The following MAP3K9 variants were observed in gnomAD, a reference collection of about 807,000 sequenced individuals.
The protein encoded by MAP3K9 is mitogen-activated protein kinase kinase kinase 9.
Under a neutral mutation model 95.8 loss-of-function variants are expected in MAP3K9, and 46 were observed. The ratio of observed to expected loss-of-function variants is 0.48; its 90% CI spans 0.38 to 0.61. The LOEUF is 0.61. Among genes scored for constraint, MAP3K9 ranks in the 20% least tolerant of loss-of-function variants. MAP3K9 has a pLI of 0.00. For synonymous variants in MAP3K9, 533 were observed against 593.8 expected (o/e 0.90, Z 1.49); for missense variants, 1,296 against 1,474.3 (o/e 0.88, Z 1.98).
intron 2 of MAP3K9, among the ~76,000 whole-genome samples, chr14:70,789,986 T>C (rs1302788045): frequency 6.6e-6 from 1 of 152,128 alleles, no homozygotes; most frequent in African/African-American, 2.4e-5. Context: ...CAAGTGTAAA[T>C]CAAAGCAGCA....
chr14:70,737,094 T>G (rs1464832563), intron 8 of MAP3K9, among the ~76,000 whole-genome samples: 1 of 152,188 alleles, frequency 6.6e-6, no homozygotes, highest in Non-Finnish European at 1.5e-5. Context: ...CTGCTGGCTA[T>G]CCTCGCACTT....
intron 1 of MAP3K9, among the ~76,000 whole-genome samples, chr14:70,807,640 GA>G (rs1162106216): frequency 1.3e-5 from 2 of 152,124 alleles, no homozygotes; most frequent in Non-Finnish European, 1.5e-5. Flanking sequence ...CAACTAAGAT[GA>G]AAGTATACAA....
At chr14:70,756,427 G>A (rs776929074) in intron 3 of MAP3K9, among the ~76,000 whole-genome samples, 17 of 152,214 alleles carry the variant, frequency 1.1e-4, no homozygotes, top group Non-Finnish European at 1.5e-5. Context: ...AGAGAGTTGA[G>A]TGTGACAAGT....
At chr14:70,740,742 G>A (rs2139728525) in intron 6 of MAP3K9, among the ~76,000 whole-genome samples, 1 of 152,306 alleles carries the variant, frequency 6.6e-6, no homozygotes, top group South Asian at 2.1e-4. Context: ...GAATTTCTGA[G>A]TTTCAGTCTC....
chr14:70,793,109 A>T (rs1425249879), intron 2 of MAP3K9, among the ~76,000 whole-genome samples: 1 of 152,222 alleles, frequency 6.6e-6, no homozygotes, highest in Non-Finnish European at 1.5e-5. Flanking sequence ...CAAAGGGAGT[A>T]CTGAGGTTGG....
At chr14:70,737,478 G>A (rs2054000846) in intron 8 of MAP3K9, among the ~76,000 whole-genome samples, 1 of 152,266 alleles carries the variant, frequency 6.6e-6, no homozygotes, top group East Asian at 1.9e-4. Flanking sequence ...CCAGACTCAG[G>A]GGAGAATTTG....
At position 70,730,810 on chromosome 14, in the gene MAP3K9, G is replaced by A; in HGVS notation, c.2885C>T (p.Pro962Leu). 1 of 1,612,564 alleles carries A rather than the reference G, an allele frequency of 6.2e-7. No individual in the cohort carries two copies. Among genetic ancestry groups the A allele is most frequent in the East Asian group, 2.2e-5 (1 of 44,866 alleles). The change falls in exon 12 of 12, where the codon CCT (proline) becomes CTT (leucine). Residue 962 changes from proline to leucine, a missense_variant. Transcript: ENST00000554752. ...SRDPGEFPRL[P>L]DPNVVFPPTP... ...TGGGGGGAAGACCACATTGGGGTCA[G>A]GGAGACGGGGGAATTCACCTGGGTC...
chr14:70,804,264 G>A (rs1387734885), intron 1 of MAP3K9, among the ~76,000 whole-genome samples: 1 of 152,200 alleles, frequency 6.6e-6, no homozygotes, highest in African/African-American at 2.4e-5. Context: ...TGCAAGCACA[G>A]AATTTCCTGT....
chr14:70,781,350 CAT>C (rs1280147591), intron 2 of MAP3K9, among the ~76,000 whole-genome samples: 1 of 152,224 alleles, frequency 6.6e-6, no homozygotes, highest in Non-Finnish European at 1.5e-5. Flanking sequence ...GGCACTGAGC[CAT>C]GTGTGTGAAC....
chr14:70,799,619 G>A (rs911804361), intron 2 of MAP3K9, among the ~76,000 whole-genome samples: 12 of 152,338 alleles, frequency 7.9e-5, no homozygotes, highest in African/African-American at 1.2e-4. Flanking sequence ...GATTACAGGC[G>A]TGAGCCACCG....
chr14:70,738,077 C>T (rs1329263113), intron 8 of MAP3K9, among the ~76,000 whole-genome samples, 168 bp downstream of exon 8: 2 of 152,022 alleles, frequency 1.3e-5, no homozygotes, highest in Non-Finnish European at 2.9e-5. Flanking sequence ...TGTTCTAGGA[C>T]GTTCCAGGAA....
At position 70,809,412 on chromosome 14, in the gene MAP3K9, C is replaced by T; in HGVS notation, c.-241G>A. 1 of 371,404 alleles carries T rather than the reference C, an allele frequency of 2.7e-6. No individual in the cohort carries two copies. Among genetic ancestry groups the T allele is most frequent in the South Asian group, 1.4e-4 (1 of 7,184 alleles). The allele number at this position is 371,404 out of a possible 1,614,324, so 23.0% of individuals were successfully genotyped here. A position where few individuals can be genotyped will look rare whatever the true frequency, so the allele number is the denominator to read the frequency against. On this transcript the variant is annotated 5_prime_UTR_variant, in exon 1 of 12. Coordinates refer to ENST00000554752, the MANE Select transcript of MAP3K9 (RefSeq NM_001284230.2). The stretch of plus-strand genomic sequence containing the variant: ...GCGCAGCGGGCCGAGTCCCCGCCTG[C>T]CCGCTCGCCCCCCCGGGGGCGGCCT...
chr14:70,744,872 A>G (rs2054123832), intron 5 of MAP3K9, among the ~76,000 whole-genome samples: 1 of 152,180 alleles, frequency 6.6e-6, no homozygotes, highest in African/African-American at 2.4e-5. Flanking sequence ...GTGACCCAAG[A>G]ACAGGCCCTT....
chr14:70,808,735 C>T, intron 1 of MAP3K9, 31 bp downstream of exon 1: 1 of 1,431,446 alleles, frequency 7.0e-7, no homozygotes, highest in Non-Finnish European at 9.2e-7. Context: ...CCGTCATTCC[C>T]CCTCCCCGCC....
chr14:70,755,715 G>C (rs1011512475), intron 3 of MAP3K9, among the ~76,000 whole-genome samples: 1 of 152,202 alleles, frequency 6.6e-6, no homozygotes, highest in Non-Finnish European at 1.5e-5. Flanking sequence ...AGGAATGAAA[G>C]GCCCATTTAA....
chr14:70,761,904 G>C (rs1310757799), intron 2 of MAP3K9, among the ~76,000 whole-genome samples: 3 of 152,148 alleles, frequency 2.0e-5, no homozygotes, highest in African/African-American at 7.2e-5. Flanking sequence ...TACCCATTAA[G>C]CAATTATTCC....
intron 11 of MAP3K9, 142 bp from the exon 12 acceptor site, chr14:70,731,006 G>A: frequency 1.2e-6 from 1 of 858,446 alleles, no homozygotes; most frequent in South Asian, 1.8e-5. Context: ...GCACCTACTG[G>A]GAGGCACTGG....
chr14:70,774,587 T>G (rs543778998), intron 2 of MAP3K9, among the ~76,000 whole-genome samples: 48 of 152,060 alleles, frequency 3.2e-4, no homozygotes, highest in Non-Finnish European at 5.4e-4. Context: ...CGCTTGAACC[T>G]GAGAGGCAGA....
chr14:70,735,269 G>A (rs572524550), intron 9 of MAP3K9, among the ~76,000 whole-genome samples: 75 of 152,118 alleles, frequency 4.9e-4, no homozygotes, highest in Non-Finnish European at 7.8e-4. Flanking sequence ...AGGCCTAGAA[G>A]CACTGGTCTT....
Sources: allele counts gnomAD v4.1 joint callset (sites outside exome capture counted in the v4.1 genomes callset), GRCh38; gene constraint gnomAD v4.1.1; transcripts MANE v1.5; gene names NCBI Gene and HGNC (gene_info 2026-07-23, HGNC 2026-07-21).